Variants in PCED1B observed in about 807,000 individuals in gnomAD.
PCED1B encodes the protein PC-esterase domain containing 1B.
For synonymous variants in PCED1B, 251 were observed against 246.1 expected (o/e 1.02, Z -0.19); for missense variants, 573 against 573.9 (o/e 1.00, Z 0.02).
chr12:47,220,480 G>A (rs1943445014), intron 3 of PCED1B, among the ~76,000 whole-genome samples: 1 of 152,132 alleles, frequency 6.6e-6, no homozygotes, highest in Non-Finnish European at 1.5e-5. Flanking sequence ...CCAACCTTAG[G>A]CAATTTATAT....
chr12:47,203,082 G>A, intron 2 of PCED1B, among the ~76,000 whole-genome samples: 1 of 149,890 alleles, frequency 6.7e-6, no homozygotes, highest in Non-Finnish European at 1.5e-5. Flanking sequence ...AGATTCTCCT[G>A]CCTCAGCCCC....
At chr12:47,213,504 G>C (rs1195561645) in intron 2 of PCED1B, among the ~76,000 whole-genome samples, 1 of 152,142 alleles carries the variant, frequency 6.6e-6, no homozygotes, top group Non-Finnish European at 1.5e-5. Flanking sequence ...CTGATTTCTG[G>C]CCCTCTTATA....
chr12:47,117,606 A>G (rs547555642), intron 2 of PCED1B, among the ~76,000 whole-genome samples: 161 of 152,248 alleles, frequency 1.1e-3, no homozygotes, highest in African/African-American at 3.6e-3. Flanking sequence ...ATTGTTGGAC[A>G]TTTGGGTTGG....
Position 47,235,966 on chromosome 12 carries a change from C to T in PCED1B, c.903C>T (p.Pro301=), listed in dbSNP as rs780250114. The T allele has an allele frequency of 1.1e-5, 17 of 1,612,690 alleles. No individual in the cohort carries two copies. The Middle Eastern group carries it at 5.0e-4, about 47-fold the overall frequency. The change falls in exon 4 of 4, where the codon CCC becomes CCT. Residue 301 remains proline, a synonymous_variant. Transcript: ENST00000546455. ...SPPLPSPTYR[P]LLGFPPQRLP... ...CCTTACCTTCCCCCACATACCGCCC[C>T]CTGCTTGGGTTCCCACCCCAGCGCT...
At chr12:47,220,041 C>T (rs530205725) in intron 3 of PCED1B, among the ~76,000 whole-genome samples, 2 of 143,086 alleles carry the variant, frequency 1.4e-5, no homozygotes, top group South Asian at 4.5e-4. Context: ...CCCCTGTACT[C>T]CCAGGTGACC....
In PCED1B at chr12:47,143,199, T is replaced by A. The variant is rs374281813; in HGVS notation, c.-526+39004T>A. 5.9e-5 allele frequency among the ~76,000 whole-genome samples: 9 copies of A among 152,220 alleles called. No individual in the cohort carries two copies. The East Asian group carries it at 9.7e-4, about 16-fold the overall frequency. ...CTTGCCAATTCTATTCAGTATAGTA[T>A]TGGAAGTCCTAGCCAGAGCAGTTAG... On this transcript the variant is annotated intron_variant, in intron 2 of 3. Transcript: ENST00000546455.
At chr12:47,133,827 G>C (rs1198700096) in intron 2 of PCED1B, among the ~76,000 whole-genome samples, 2 of 152,192 alleles carry the variant, frequency 1.3e-5, no homozygotes. Flanking sequence ...ATGGTATTAT[G>C]AAGTGGAACC....
Position 47,235,415 on chromosome 12 carries a change from C to T in PCED1B, c.352C>T (p.Leu118=). The T allele has an allele frequency of 6.2e-7, 1 of 1,614,226 alleles. No homozygotes were observed. Among genetic ancestry groups the T allele is most frequent in the Non-Finnish European group, 8.5e-7 (1 of 1,180,042 alleles). The change falls in exon 4 of 4, where the codon CTG becomes TTG. Residue 118 remains leucine, a synonymous_variant. Coordinates refer to ENST00000546455, the MANE Select transcript of PCED1B (RefSeq NM_138371.3). ...ELQSGEHAPD[L]VIMNSCLWDI... ...GCAGTCGGGCGAGCACGCCCCCGAC[C>T]TGGTCATCATGAATTCCTGCCTCTG...
At chr12:47,109,416 A>G (rs1939096731) in intron 2 of PCED1B, among the ~76,000 whole-genome samples, 1 of 152,006 alleles carries the variant, frequency 6.6e-6, no homozygotes, top group African/African-American at 2.4e-5. Flanking sequence ...TTCACAGGCA[A>G]AGCCATCCCT....
intron 2 of PCED1B, chr12:47,206,191 G>T (rs1211313629): frequency 6.6e-6 from 1 of 152,120 alleles, no homozygotes; most frequent in African/African-American, 2.4e-5. Context: ...TTTAGGGAGG[G>T]TCAGAATCTT....
chr12:47,171,203 G>A (rs1941722605), intron 2 of PCED1B, among the ~76,000 whole-genome samples: 1 of 151,636 alleles, frequency 6.6e-6, no homozygotes, highest in African/African-American at 2.4e-5. Flanking sequence ...GAGTAGCTAG[G>A]ATTACAGGTA....
rs78295581 is a variant in PCED1B, at chr12:47,125,797, T to C, written c.-526+21602T>C. ...GGGAATTATGTTTTTAATTTTAATT[T>C]CTGATTGTTCACTGCCAGTGCATAG... On this transcript the variant is annotated intron_variant, in intron 2 of 3. Coordinates refer to ENST00000546455, the MANE Select transcript of PCED1B (RefSeq NM_138371.3). 5.1e-3 allele frequency among the ~76,000 whole-genome samples: 774 copies of C among 152,222 alleles called. 6 individuals carry two copies. Among genetic ancestry groups the C allele is most frequent in the African/African-American group, 0.017 (706 of 41,574 alleles).
chr12:47,167,009 G>T (rs561040604), intron 2 of PCED1B, among the ~76,000 whole-genome samples: 15 of 152,244 alleles, frequency 9.9e-5, no homozygotes, highest in African/African-American at 3.1e-4. Context: ...AAGGGATTTG[G>T]GACTTCTAGG....
At position 47,235,889 on chromosome 12, in the gene PCED1B, G is replaced by T; in HGVS notation, c.826G>T (p.Glu276Ter). 6.3e-7 allele frequency: 1 copy of T among 1,595,148 alleles called. No homozygotes were observed. The highest frequency in any genetic ancestry group is 8.5e-7 in the Non-Finnish European group (1 of 1,171,162). ...GAAGAAAAAACCTGGCCCGAGAGTC[G>T]AAGGGCCGCCCCAGGCCAACAGAAA... The part of the protein sequence containing the change: ...IKKKKPGPRV[E>*]GPPQANRNHP... Residue 276 changes from glutamate to a stop codon, truncating the protein, a stop_gained, in exon 4 of 4, where the codon GAA becomes TAA. Coordinates refer to ENST00000546455, the MANE Select transcript of PCED1B (RefSeq NM_138371.3). LOFTEE classifies it low-confidence loss of function (END_TRUNC).
intron 2 of PCED1B, chr12:47,209,821 T>C (rs1156320763): frequency 2.6e-5 from 4 of 152,194 alleles, no homozygotes; most frequent in Admixed American, 2.6e-4. Context: ...GGAAGTAAAA[T>C]TATAAGATCT....
intron 2 of PCED1B, among the ~76,000 whole-genome samples, chr12:47,170,749 T>C (rs1941703091): frequency 6.6e-6 from 1 of 152,242 alleles, no homozygotes; most frequent in Non-Finnish European, 1.5e-5. Flanking sequence ...GTCTCTGTTT[T>C]TCAATAGAAA....
At chr12:47,226,540 AT>A (rs758359209) in intron 3 of PCED1B, among the ~76,000 whole-genome samples, 1 of 152,178 alleles carries the variant, frequency 6.6e-6, no homozygotes, top group African/African-American at 2.4e-5. Flanking sequence ...CACCCGGCTA[AT>A]TTTTTATATT....
In PCED1B at chr12:47,164,661, C is replaced by T. The variant is rs571089591; in HGVS notation, c.-525-51561C>T. On this transcript the variant is annotated intron_variant, in intron 2 of 3. Transcript: ENST00000546455. ...ACTAGGCATTGCCCCTGTGGGAGCT[C>T]CTCTGGTGGCTCCACCCTTGTGGCA... is the stretch of plus-strand genomic sequence containing the variant. Among the ~76,000 whole-genome samples, 40 of 152,338 alleles carry T rather than the reference C, an allele frequency of 2.6e-4. 1 individual carries two copies. In the South Asian group the frequency reaches 6.6e-3, roughly 25 times the overall value.
chr12:47,131,709 G>T (rs1940136660), intron 2 of PCED1B, among the ~76,000 whole-genome samples: 1 of 140,588 alleles, frequency 7.1e-6, no homozygotes, highest in Non-Finnish European at 1.5e-5. Flanking sequence ...TCACTCTGCT[G>T]CCAGGCTGTA....
Sources: allele counts gnomAD v4.1 joint callset (sites outside exome capture counted in the v4.1 genomes callset), GRCh38; gene constraint gnomAD v4.1.1; transcripts MANE v1.5; gene names NCBI Gene and HGNC (gene_info 2026-07-23, HGNC 2026-07-21).